Variants in SAMSN1 observed in about 807,000 individuals in gnomAD.
SAMSN1 encodes SAM domain-containing protein SAMSN-1.
A neutral mutation model predicts 42.0 loss-of-function variants in SAMSN1; 31 were observed. That is an observed-to-expected ratio of 0.74 (90% CI 0.55 to 1.00). The LOEUF is 1.00. SAMSN1 is among the 50% of genes least tolerant of loss of function. SAMSN1 has a pLI of 0.00. For missense variants in SAMSN1, 464 were observed against 439.4 expected, an observed-to-expected ratio of 1.06 and a Z score of -0.50; for synonymous variants, 178 against 151.9, an observed-to-expected ratio of 1.17 and a Z score of -1.26.
At chr21:14,618,701 C>T (rs1111286) in intron 2 of SAMSN1, among the ~76,000 whole-genome samples, 70,779 of 121,528 alleles carry the variant, frequency 0.58, 19,842 homozygotes, top group Non-Finnish European at 0.67. Context: ...TGCGCGCGCG[C>T]GCACGCGCGT....
intron 2 of SAMSN1, among the ~76,000 whole-genome samples, chr21:14,568,309 A>G (rs1981185941): frequency 6.6e-6 from 1 of 152,204 alleles, no homozygotes; most frequent in Non-Finnish European, 1.5e-5. Context: ...ATAGAACTAT[A>G]TCAACCTTTC....
chr21:14,562,064 C>T (rs1175597882), intron 2 of SAMSN1, among the ~76,000 whole-genome samples: 1 of 152,204 alleles, frequency 6.6e-6, no homozygotes, highest in Non-Finnish European at 1.5e-5. Flanking sequence ...TTATGGCAGC[C>T]TTGGAAAACC....
At position 14,520,571 on chromosome 21, in the gene SAMSN1, G is replaced by A. The variant is rs1978393132; in HGVS notation, c.129+579C>T. Among the ~76,000 whole-genome samples, 4 of 152,040 alleles carry A rather than the reference G, an allele frequency of 2.6e-5. No individual in the cohort carries two copies. The South Asian group carries it at 8.3e-4, about 32-fold the overall frequency. On this transcript the variant is annotated intron_variant, in intron 2 of 7. Transcript: ENST00000400566. ...AGATTTTACTTTTAATGCCCTGCAC[G>A]GTACTGGGTACTGATAGAGACAGGA...
intron 2 of SAMSN1, among the ~76,000 whole-genome samples, chr21:14,557,483 C>T (rs1980800055): frequency 6.6e-6 from 1 of 152,168 alleles, no homozygotes; most frequent in Non-Finnish European, 1.5e-5. Context: ...ACCCAGGTTC[C>T]TGGGAACATG....
intron 2 of SAMSN1, among the ~76,000 whole-genome samples, chr21:14,575,456 AT>A (rs2123227085): frequency 6.6e-6 from 1 of 152,294 alleles, no homozygotes; most frequent in African/African-American, 2.4e-5. Flanking sequence ...CCAGATTACC[AT>A]TTATGATGCT....
At chr21:14,552,720 C>A (rs187800694) in intron 2 of SAMSN1, among the ~76,000 whole-genome samples, 5 of 152,174 alleles carry the variant, frequency 3.3e-5, no homozygotes, top group Non-Finnish European at 5.9e-5. Flanking sequence ...GGCATCTGTC[C>A]GTAAAGTTAC....
chr21:14,634,115 A>C (rs1983403239), intron 2 of SAMSN1, among the ~76,000 whole-genome samples: 1 of 152,082 alleles, frequency 6.6e-6, no homozygotes, highest in South Asian at 2.1e-4. Flanking sequence ...CCATATGCAG[A>C]AAACTGAAAC....
chr21:14,577,367 C>T (rs1981541567), intron 2 of SAMSN1, among the ~76,000 whole-genome samples: 1 of 145,910 alleles, frequency 6.9e-6, no homozygotes, highest in Non-Finnish European at 1.5e-5. Context: ...CCTGCCTCAG[C>T]CTCCCAAAGT....
intron 1 of SAMSN1, among the ~76,000 whole-genome samples, chr21:14,649,922 A>C (rs974122260): frequency 3.3e-5 from 5 of 152,208 alleles, no homozygotes; most frequent in African/African-American, 4.8e-5. Context: ...ATTTCAACAC[A>C]AAATCTATAA....
intron 1 of SAMSN1, among the ~76,000 whole-genome samples, chr21:14,649,559 C>T (rs2123393332): frequency 6.6e-6 from 1 of 152,224 alleles, no homozygotes; most frequent in African/African-American, 2.4e-5. Flanking sequence ...CACCTGAGGT[C>T]ACGAGTTTCA....
At chr21:14,584,610 C>T (rs933650372), upstream of SAMSN1, among the ~76,000 whole-genome samples, 3 of 152,076 alleles carry the variant, frequency 2.0e-5, no homozygotes, top group Non-Finnish European at 4.4e-5. Context: ...TGATAAAAAT[C>T]ATTGTGTTCT....
At chr21:14,494,966 T>C (rs150108779) in intron 7 of SAMSN1, among the ~76,000 whole-genome samples, 49 of 152,346 alleles carry the variant, frequency 3.2e-4, no homozygotes, top group African/African-American at 1.2e-3. Context: ...TCAACTTTTA[T>C]ATTGCATGAT....
At chr21:14,585,137 A>G (rs1185127917), upstream of SAMSN1, among the ~76,000 whole-genome samples, 1 of 152,228 alleles carries the variant, frequency 6.6e-6, no homozygotes, top group Non-Finnish European at 1.5e-5. Context: ...CTCTCTTTCC[A>G]AAGGCCATGC....
intron 3 of SAMSN1, among the ~76,000 whole-genome samples, chr21:14,516,323 T>C (rs1987915532): frequency 6.6e-6 from 1 of 152,240 alleles, no homozygotes; most frequent in Non-Finnish European, 1.5e-5. Flanking sequence ...GTACTGATAC[T>C]TGCTACTAAA....
chr21:14,534,549 G>T (rs1473536347), intron 1 of SAMSN1, among the ~76,000 whole-genome samples: 4 of 150,156 alleles, frequency 2.7e-5, no homozygotes, highest in Non-Finnish European at 4.4e-5. Flanking sequence ...ACGGAGTCTC[G>T]CTGTCGCCCA....
intron 5 of SAMSN1, among the ~76,000 whole-genome samples, chr21:14,504,857 A>G (rs2123702915): frequency 6.6e-6 from 1 of 152,382 alleles, no homozygotes; most frequent in African/African-American, 2.4e-5. Context: ...CAAATGGACC[A>G]GGTAACCCAT....
chr21:14,583,061 AG>A (rs1981802030), intron 1 of SAMSN1, among the ~76,000 whole-genome samples: 2 of 152,218 alleles, frequency 1.3e-5, no homozygotes, highest in African/African-American at 4.8e-5. Flanking sequence ...AATTTAAAAA[AG>A]CCATATCTGT....
At chr21:14,573,905 CCATGCTACA>C (rs947913602) in intron 2 of SAMSN1, among the ~76,000 whole-genome samples, 7 of 152,176 alleles carry the variant, frequency 4.6e-5, no homozygotes, top group Admixed American at 1.3e-4. Flanking sequence ...TTCTAACACA[CCATGCTACA>C]CATGCAAAAT....
intron 5 of SAMSN1, among the ~76,000 whole-genome samples, chr21:14,508,858 G>A (rs556528967): frequency 3.6e-4 from 55 of 152,290 alleles, no homozygotes; most frequent in Middle Eastern, 3.4e-3. Flanking sequence ...GGCTGGGCGT[G>A]GTGGCTCATG....
Sources: gnomAD v4.1 joint callset for allele counts (sites outside exome capture counted in the v4.1 genomes callset) on GRCh38, gnomAD v4.1.1 for gene constraint, MANE v1.5 for transcripts, NCBI Gene and HGNC (gene_info 2026-07-23, HGNC 2026-07-21) for gene names.